The following RNF115 variants were observed in gnomAD, a reference collection of about 807,000 sequenced individuals.
RNF115 encodes the protein ring finger protein 115.
RNF115 carries 31 observed loss-of-function variants against 39.2 expected under a neutral mutation model. The observed-to-expected ratio is 0.79, with a 90% CI of 0.59 to 1.07. The LOEUF is 1.07. RNF115 is among the 50% of genes least tolerant of loss of function. RNF115 has a pLI of 0.00. For synonymous variants in RNF115, 124 were observed against 131.0 expected, an observed-to-expected ratio of 0.95 and a Z score of 0.37; for missense variants, 384 against 381.7, an observed-to-expected ratio of 1.01 and a Z score of -0.05.
intron 4 of RNF115, among the ~76,000 whole-genome samples, chr1:145,767,112 CA>C (rs1168306857): frequency 6.6e-6 from 1 of 150,798 alleles, no homozygotes; most frequent in African/African-American, 2.4e-5. Flanking sequence ...GCTGGCCCGG[CA>C]GAGGGGCTCC....
At chr1:145,747,507 G>C (rs782525336) in intron 8 of RNF115, among the ~76,000 whole-genome samples, 3 of 152,120 alleles carry the variant, frequency 2.0e-5, no homozygotes, top group Non-Finnish European at 4.4e-5. Flanking sequence ...GCTGGGCATG[G>C]TGGTGCACGC....
intron 4 of RNF115, among the ~76,000 whole-genome samples, chr1:145,762,919 C>A (rs587702421): frequency 6.6e-6 from 1 of 152,124 alleles, no homozygotes; most frequent in African/African-American, 2.4e-5. Flanking sequence ...AACAGAAATA[C>A]CACATGTTCT....
At chr1:145,818,193 G>A (rs1228877644) in intron 1 of RNF115, among the ~76,000 whole-genome samples, 7 of 151,982 alleles carry the variant, frequency 4.6e-5, no homozygotes, top group African/African-American at 1.7e-4. Context: ...CACAGTGGCT[G>A]AACTAATTTA....
intron 4 of RNF115, among the ~76,000 whole-genome samples, chr1:145,759,832 C>T (rs782618685): frequency 6.6e-6 from 1 of 152,176 alleles, no homozygotes; most frequent in Non-Finnish European, 1.5e-5. Context: ...ACCTTCTCTG[C>T]CCTACATTGG....
In RNF115 at chr1:145,788,973, A is replaced by G. The variant is rs1648515635; in HGVS notation, c.103-7T>C. ...ATCTGGGACATATATATTCCTATAA[A>G]AGAAAGGAAGAAACAAATAAAACTT... On this transcript the variant is annotated splice_region_variant and splice_polypyrimidine_tract_variant and intron_variant, in intron 1 of 8. Transcript: ENST00000582693. 1 of 1,560,532 alleles carries G rather than the reference A, an allele frequency of 6.4e-7. No individual in the cohort carries two copies. Among genetic ancestry groups the G allele is most frequent in the African/African-American group, 1.4e-5 (1 of 73,906 alleles).
At chr1:145,820,491 C>T (rs1239854713) in intron 1 of RNF115, among the ~76,000 whole-genome samples, 1 of 150,598 alleles carries the variant, frequency 6.6e-6, no homozygotes, top group Non-Finnish European at 1.5e-5. Context: ...TGTAATCCCA[C>T]CACTTTGGGA....
At chr1:145,809,512 A>G (rs1425953639) in intron 1 of RNF115, among the ~76,000 whole-genome samples, 3 of 6,352 alleles carry the variant, frequency 4.7e-4, no homozygotes, top group East Asian at 6.8e-3. Flanking sequence ...TTTTTTTTGG[A>G]GACAAGACTT....
rs1553711486 is a variant in RNF115, at chr1:145,744,951, A to G, written c.*1915T>C. ...AATAAGGCCTACCTCTTCCAGGCCA[A>G]GCTGTTTTGGACATGATCACACTGA... On this transcript the variant is annotated 3_prime_UTR_variant, in exon 9 of 9. Coordinates refer to ENST00000582693, the MANE Select transcript of RNF115 (RefSeq NM_014455.4). 1 of 152,262 alleles carries G rather than the reference A, an allele frequency of 6.6e-6. No individual in the cohort carries two copies. Among genetic ancestry groups the G allele is most frequent in the Non-Finnish European group, 1.5e-5 (1 of 68,066 alleles). 9.4% of individuals were successfully genotyped at this position (152,262 alleles called of 1,614,324 possible). A position where few individuals can be genotyped will look rare whatever the true frequency, so the allele number is the denominator to read the frequency against.
intron 1 of RNF115, among the ~76,000 whole-genome samples, chr1:145,789,899 T>C (rs587680942): frequency 1.3e-5 from 2 of 151,824 alleles, no homozygotes; most frequent in Admixed American, 6.6e-5. Flanking sequence ...GGTTTCACCA[T>C]GTTGGTCAGG....
intron 1 of RNF115, among the ~76,000 whole-genome samples, chr1:145,813,923 T>C (rs1649845997): frequency 7.0e-6 from 1 of 143,182 alleles, no homozygotes; most frequent in Non-Finnish European, 1.5e-5. Flanking sequence ...GCAGCATCTC[T>C]GGCCTCCACC....
intron 1 of RNF115, among the ~76,000 whole-genome samples, chr1:145,789,689 C>T (rs1648568177): frequency 1.3e-5 from 2 of 148,408 alleles, no homozygotes; most frequent in Non-Finnish European, 1.5e-5. Context: ...TGAGCCACCA[C>T]ACCCGGACTT....
chr1:145,765,108 C>CTATG (rs1658717736), intron 4 of RNF115, among the ~76,000 whole-genome samples: 1 of 152,190 alleles, frequency 6.6e-6, no homozygotes, highest in Non-Finnish European at 1.5e-5. Context: ...TGCTGTTGAT[C>CTATG]TATGACCTTA....
chr1:145,817,945 T>C (rs879747203), intron 1 of RNF115, among the ~76,000 whole-genome samples: 21 of 128,294 alleles, frequency 1.6e-4, no homozygotes, highest in South Asian at 1.6e-3. Flanking sequence ...TTTTTTTAAA[T>C]AGCTGTATAG....
At chr1:145,787,571 C>CAA (rs1192063003) in intron 2 of RNF115, among the ~76,000 whole-genome samples, 6 of 88,900 alleles carry the variant, frequency 6.7e-5, no homozygotes, top group East Asian at 3.2e-4. Flanking sequence ...GACTCCGTCA[C>CAA]AAAAAAAAAA....
intron 4 of RNF115, among the ~76,000 whole-genome samples, chr1:145,765,916 G>A (rs1046579567): frequency 6.6e-6 from 1 of 151,960 alleles, no homozygotes; most frequent in Non-Finnish European, 1.5e-5. Context: ...AACTTATTAA[G>A]TTGGTGTGAG....
At chr1:145,810,907 C>T (rs1330724112) in intron 1 of RNF115, among the ~76,000 whole-genome samples, 1 of 149,564 alleles carries the variant, frequency 6.7e-6, no homozygotes, top group Non-Finnish European at 1.5e-5. Context: ...ACTCTGTCAC[C>T]CAGGCTGGAG....
At chr1:145,766,801 G>C (rs1246194147) in intron 4 of RNF115, among the ~76,000 whole-genome samples, 1 of 30,818 alleles carries the variant, frequency 3.2e-5, no homozygotes, top group African/African-American at 4.1e-4. Context: ...GGGGGGGGGG[G>C]GGGGGGGGGC....
At chr1:145,807,031 A>G (rs587766428) in intron 1 of RNF115, among the ~76,000 whole-genome samples, 1 of 152,366 alleles carries the variant, frequency 6.6e-6, no homozygotes, top group Admixed American at 6.5e-5. Context: ...AAAATGGACT[A>G]AGACAACAGC....
At chr1:145,762,587 A>T (rs1553714009) in intron 4 of RNF115, among the ~76,000 whole-genome samples, 1 of 152,182 alleles carries the variant, frequency 6.6e-6, no homozygotes, top group Admixed American at 6.5e-5. Flanking sequence ...TGTATTTAAA[A>T]AGGTCTACAA....
Sources: gnomAD v4.1 joint callset for allele counts (sites outside exome capture counted in the v4.1 genomes callset) on GRCh38, gnomAD v4.1.1 for gene constraint, MANE v1.5 for transcripts, NCBI Gene and HGNC (gene_info 2026-07-23, HGNC 2026-07-21) for gene names.